TNS3: variants seen among roughly 807,000 people sequenced by gnomAD.
TNS3 encodes the protein tensin-3.
Under a neutral mutation model 140.9 loss-of-function variants are expected in TNS3, and 45 were observed. That is an observed-to-expected ratio of 0.32 (90% confidence interval 0.25 to 0.41). The LOEUF (loss-of-function observed/expected upper bound fraction) is 0.41. TNS3 is among the 10% of genes least tolerant of loss of function. The probability of loss-of-function intolerance (pLI) is 1.00; values close to 1 mark genes in which losing one functional copy is unlikely to be tolerated. For missense variants in TNS3, 1,716 were observed against 1,906.7 expected, an observed-to-expected ratio of 0.90 and a Z score of 1.86; for synonymous variants, 815 against 788.4, an observed-to-expected ratio of 1.03 and a Z score of -0.56.
rs1794007416 is a variant in TNS3 at position 47,415,146 on chromosome 7, CAG to C, written c.532_533del (p.Leu178ValfsTer77). 6.2e-7 allele frequency: 1 copy of C among 1,612,120 alleles called. No homozygotes were observed. The highest frequency in any genetic ancestry group is 8.5e-7 in the Non-Finnish European group (1 of 1,179,308). On this transcript the variant is annotated frameshift_variant, in exon 11 of 31. Coordinates refer to ENST00000311160, the MANE Select transcript of TNS3 (RefSeq NM_022748.12). LOFTEE classifies it high-confidence loss of function. ...CGTGGAGGATGACAAAATGCAGGAA[CAG>C]GGGAGAGGCATTCATTTTCACCGAT... is the stretch of plus-strand genomic sequence containing the variant. The part of the protein sequence containing the change: ...SGSVKMNASP[L>X]FLHFVILHGT...
At chr7:47,400,971 G>T in intron 13 of TNS3, 57 bp from the exon 14 acceptor site, 3 of 1,606,504 alleles carry the variant, frequency 1.9e-6, no homozygotes, top group Non-Finnish European at 1.7e-6. Flanking sequence ...ACACGTTCCC[G>T]GCAAGGAACA....
intron 20 of TNS3, among the ~76,000 whole-genome samples, chr7:47,322,477 G>A (rs1162121875): frequency 4.6e-5 from 7 of 151,866 alleles, no homozygotes; most frequent in East Asian, 1.9e-4. Flanking sequence ...AGCCAAGATC[G>A]CGCCACTGCA....
rs144042398 is a variant in TNS3 at position 47,446,688 on chromosome 7, C to CTTTTTTTTTTTTTTTTTTT, written c.-75-4652_-75-4634dup. 7.2e-5 allele frequency among the ~76,000 whole-genome samples: 7 copies of CTTTTTTTTTTTTTTTTTTT among 96,728 alleles called. 2 individuals are homozygous for CTTTTTTTTTTTTTTTTTTT. Among genetic ancestry groups the CTTTTTTTTTTTTTTTTTTT allele is most frequent in the African/African-American group, 2.3e-4 (5 of 22,046 alleles). 63.5% of individuals were successfully genotyped at this position (96,728 alleles called of 152,430 possible). A position where few individuals can be genotyped will look rare whatever the true frequency, so the allele number is the denominator to read the frequency against. ...CAAAGACCGCCCTGTTCCAGGCTGC[C>CTTTTTTTTTTTTTTTTTTT]TTTTTTTTTTTTTTTTTTTTTTTTT... On this transcript the variant is annotated intron_variant, in intron 4 of 30. Transcript: ENST00000311160.
chr7:47,431,174 T>C (rs1794912600), intron 8 of TNS3, among the ~76,000 whole-genome samples: 1 of 152,156 alleles, frequency 6.6e-6, no homozygotes, highest in African/African-American at 2.4e-5. Flanking sequence ...TTTAGAAATA[T>C]CTTGGGAGAA....
intron 16 of TNS3, among the ~76,000 whole-genome samples, chr7:47,392,011 T>G (rs1792549174): frequency 6.6e-6 from 1 of 152,120 alleles, no homozygotes; most frequent in East Asian, 1.9e-4. Flanking sequence ...GTTACTAGCT[T>G]TTGATTTCTC....
At chr7:47,445,959 T>C (rs2151601478) in intron 4 of TNS3, among the ~76,000 whole-genome samples, 1 of 152,356 alleles carries the variant, frequency 6.6e-6, no homozygotes, top group African/African-American at 2.4e-5. Flanking sequence ...GACTGAAGGA[T>C]GACTGAGAAA....
At chr7:47,411,463 T>C (rs1016502775) in intron 13 of TNS3, among the ~76,000 whole-genome samples, 3 of 152,142 alleles carry the variant, frequency 2.0e-5, no homozygotes, top group Non-Finnish European at 4.4e-5. Context: ...CTTATAAGAA[T>C]CTCATGGCGC....
At chr7:47,553,828 G>A (rs967731456) in intron 1 of TNS3, among the ~76,000 whole-genome samples, 1 of 149,164 alleles carries the variant, frequency 6.7e-6, no homozygotes, top group African/African-American at 2.5e-5. Context: ...GGCTCTTTTT[G>A]CCCAGGCTGG....
intron 3 of TNS3, among the ~76,000 whole-genome samples, chr7:47,505,953 ACATGAAGTCAGCTTCCAGCATAGC>A (rs1798402201): frequency 6.6e-6 from 1 of 152,194 alleles, no homozygotes; most frequent in African/African-American, 2.4e-5. Context: ...GTTCATGGTA[ACATGAAGTCAGCTTCCAGCATAGC>A]CTTCCACTCG....
At chr7:47,411,630 G>T (rs1024317742) in intron 13 of TNS3, 97 bp downstream of exon 13, 3 of 1,309,506 alleles carry the variant, frequency 2.3e-6, no homozygotes, top group African/African-American at 1.5e-5. Context: ...TTTTTTGGGG[G>T]TGAGGGTTAC....
intron 2 of TNS3, among the ~76,000 whole-genome samples, chr7:47,521,154 A>C (rs1245532996): frequency 6.6e-6 from 1 of 152,162 alleles, no homozygotes; most frequent in East Asian, 1.9e-4. Context: ...ATCAGAACAC[A>C]GCAGTTCCTC....
At chr7:47,508,849 G>GC (rs1395627972) in intron 2 of TNS3, among the ~76,000 whole-genome samples, 1 of 152,144 alleles carries the variant, frequency 6.6e-6, no homozygotes, top group Non-Finnish European at 1.5e-5. Flanking sequence ...CTGTGGAGAG[G>GC]CCCCCATGGA....
intron 1 of TNS3, among the ~76,000 whole-genome samples, chr7:47,578,859 C>A (rs1032391520): frequency 6.6e-6 from 1 of 152,204 alleles, no homozygotes; most frequent in African/African-American, 2.4e-5. Context: ...CGGCAGGACA[C>A]GGGCCTGCAT....
intron 9 of TNS3, among the ~76,000 whole-genome samples, chr7:47,427,892 A>G (rs1794740126): frequency 5.3e-5 from 8 of 152,244 alleles, no homozygotes. Flanking sequence ...TATACTTCCC[A>G]GAGGCCCAGT....
At chr7:47,414,690 A>C (rs1386668571) in intron 11 of TNS3, among the ~76,000 whole-genome samples, 1 of 152,054 alleles carries the variant, frequency 6.6e-6, no homozygotes, top group African/African-American at 2.4e-5. Context: ...GAGGAGGAGG[A>C]GATGGGTTCA....
intron 1 of TNS3, among the ~76,000 whole-genome samples, chr7:47,554,084 C>G (rs927259758): frequency 2.0e-5 from 3 of 150,298 alleles, no homozygotes; most frequent in Non-Finnish European, 4.4e-5. Flanking sequence ...GGATTACAAG[C>G]GTGAGCCACT....
chr7:47,472,274 G>A (rs1198831547), intron 4 of TNS3, among the ~76,000 whole-genome samples: 1 of 152,146 alleles, frequency 6.6e-6, no homozygotes, highest in South Asian at 2.1e-4. Context: ...AATTTCGGGG[G>A]AACACAACTC....
At chr7:47,487,463 C>G (rs1382528686) in intron 3 of TNS3, among the ~76,000 whole-genome samples, 3 of 152,142 alleles carry the variant, frequency 2.0e-5, no homozygotes, top group Non-Finnish European at 4.4e-5. Flanking sequence ...ACTCTGGTAT[C>G]AAGCAGGCCT....
At chr7:47,428,444 A>G in intron 8 of TNS3, 68 bp from the exon 9 acceptor site, 1 of 1,198,096 alleles carries the variant, frequency 8.3e-7, no homozygotes, top group Non-Finnish European at 1.1e-6. Flanking sequence ...TAGAACAGGA[A>G]AAGACTCACT....
Sources: allele counts gnomAD v4.1 joint callset (sites outside exome capture counted in the v4.1 genomes callset), GRCh38; gene constraint gnomAD v4.1.1; transcripts MANE v1.5; gene names NCBI Gene and HGNC (gene_info 2026-07-23, HGNC 2026-07-21).